SORCS1: variants seen among roughly 807,000 people sequenced by gnomAD.
The protein encoded by SORCS1 is sortilin related VPS10 domain containing receptor 1, also known as VPS10 domain-containing receptor SorCS1.
In SORCS1, 60 loss-of-function variants were observed where a neutral mutation model predicts 146.1. The ratio of observed to expected loss-of-function variants is 0.41; its 90% confidence interval spans 0.33 to 0.51. The LOEUF is 0.51. SORCS1 is among the 20% of genes least tolerant of loss of function. The probability of loss-of-function intolerance (pLI) is 0.21; values close to 1 mark genes in which losing one functional copy is unlikely to be tolerated. For missense variants in SORCS1, 1,352 were observed against 1,487.6 expected, an observed-to-expected ratio of 0.91 and a Z score of 1.50; for synonymous variants, 637 against 584.0, an observed-to-expected ratio of 1.09 and a Z score of -1.31.
intron 2 of SORCS1, among the ~76,000 whole-genome samples, chr10:106,889,888 T>C (rs368550015): frequency 2.8e-5 from 2 of 71,680 alleles, no homozygotes; most frequent in Admixed American, 1.7e-4. Context: ...ACGTCTCAAA[T>C]AAAAAAAAAA....
intron 2 of SORCS1, among the ~76,000 whole-genome samples, chr10:106,931,360 T>G (rs776896730): frequency 1.3e-5 from 2 of 152,064 alleles, no homozygotes; most frequent in Non-Finnish European, 2.9e-5. Context: ...GACAGAAAAG[T>G]GATGAAATAA....
chr10:106,826,124 C>A (rs1948293833), intron 3 of SORCS1, among the ~76,000 whole-genome samples: 1 of 152,222 alleles, frequency 6.6e-6, no homozygotes, highest in Admixed American at 6.5e-5. Context: ...AAAGGCAAGG[C>A]ATGAAGCCTG....
At chr10:107,083,828 T>C (rs977770740) in intron 1 of SORCS1, among the ~76,000 whole-genome samples, 1 of 152,164 alleles carries the variant, frequency 6.6e-6, no homozygotes, top group Admixed American at 6.5e-5. Context: ...TAATCTACTA[T>C]GATTCTGACT....
At chr10:106,672,841 C>T (rs186630690) in intron 15 of SORCS1, 27 bp downstream of exon 15, 30 of 1,590,296 alleles carry the variant, frequency 1.9e-5, no homozygotes, top group Admixed American at 1.0e-4. Context: ...CCTGCCCAGG[C>T]CTTAGTCTCA....
At chr10:106,956,627 C>G (rs765759795) in intron 1 of SORCS1, 47 bp from the exon 2 acceptor site, 2 of 1,543,498 alleles carry the variant, frequency 1.3e-6, no homozygotes, top group Non-Finnish European at 1.8e-6. Flanking sequence ...CAATTACAAT[C>G]TCTTAGAACT....
In SORCS1 at chr10:107,098,538, A is replaced by G. The variant is rs117480562; in HGVS notation, c.558+65431T>C. Among the ~76,000 whole-genome samples, 1,420 of 152,324 alleles carry G rather than the reference A, an allele frequency of 9.3e-3. 10 individuals carry two copies. Among genetic ancestry groups the G allele is most frequent in the Middle Eastern group, 0.061 (18 of 294 alleles). ...AGTGCATATGTATCACGTGTCAGGA[A>G]TGCATATCAAATTGAGAATTTACTG... On this transcript the variant is annotated intron_variant, in intron 1 of 25. Coordinates refer to ENST00000263054, the MANE Select transcript of SORCS1 (RefSeq NM_052918.5).
rs1265663576 is a variant in SORCS1 at position 107,164,553 on chromosome 10, G to C, written c.-27C>G. The C allele has an allele frequency of 2.3e-6, 3 of 1,331,282 alleles. No individual in the cohort carries two copies. The highest frequency in any genetic ancestry group is 2.9e-6 in the Non-Finnish European group (3 of 1,047,310). The allele number at this position is 1,331,282 out of a possible 1,614,324, so 82.5% of individuals were successfully genotyped here. On this transcript the variant is annotated 5_prime_UTR_variant, in exon 1 of 26. Coordinates refer to ENST00000263054, the MANE Select transcript of SORCS1 (RefSeq NM_052918.5). This position sits in a 1 kb window ranked among gnomAD's most constrained non-coding sequence, Gnocchi z 6.8. Reference sequence around the variant, plus strand: ...GCGGGAGCGAAGAGCAGCGGAGAGAGGGGTCCCAGAACGAAGGTGGCGGCA... The same window carrying C: ...GCGGGAGCGAAGAGCAGCGGAGAGACGGGTCCCAGAACGAAGGTGGCGGCA...
intron 2 of SORCS1, among the ~76,000 whole-genome samples, chr10:106,900,152 T>A (rs1306048998): frequency 6.6e-6 from 1 of 152,266 alleles, no homozygotes; most frequent in East Asian, 1.9e-4. Context: ...TGAATTTTCA[T>A]TACATCCTGT....
At chr10:106,722,047 A>G (rs1046603516) in intron 6 of SORCS1, among the ~76,000 whole-genome samples, 2 of 152,016 alleles carry the variant, frequency 1.3e-5, no homozygotes, top group Non-Finnish European at 2.9e-5. Flanking sequence ...GTGTAAGTAT[A>G]CGTGTCTATA....
At chr10:106,987,176 T>C (rs1956519062) in intron 1 of SORCS1, among the ~76,000 whole-genome samples, 1 of 152,220 alleles carries the variant, frequency 6.6e-6, no homozygotes. Context: ...TTTCTTTGGA[T>C]GAGACTCTTT....
chr10:106,736,872 T>C lies in SORCS1; in HGVS notation c.960-6758A>G, dbSNP rs139406121. Among the ~76,000 whole-genome samples the C allele has an allele frequency of 2.0e-5, 3 of 152,256 alleles. No homozygotes were observed. In the East Asian group the frequency reaches 5.8e-4, roughly 29 times the overall value. On this transcript the variant is annotated intron_variant, in intron 5 of 25. Coordinates refer to ENST00000263054, the MANE Select transcript of SORCS1 (RefSeq NM_052918.5). The stretch of plus-strand genomic sequence containing the variant: ...TAAAAATAACAAATAAATAGATCAA[T>C]AGATAAACAGACAGATAAAAACAAT...
chr10:107,036,647 C>G (rs571225933), intron 1 of SORCS1, among the ~76,000 whole-genome samples: 7 of 152,288 alleles, frequency 4.6e-5, no homozygotes, highest in African/African-American at 1.7e-4. Flanking sequence ...CTGTTCTTAA[C>G]AGAGATTTCA....
chr10:107,006,465 A>T (rs1235145343), intron 1 of SORCS1, among the ~76,000 whole-genome samples: 2 of 152,266 alleles, frequency 1.3e-5, no homozygotes, highest in African/African-American at 2.4e-5. Flanking sequence ...GTAGTAAGTC[A>T]GAACTGTTTC....
At chr10:106,906,618 C>G (rs976705224) in intron 2 of SORCS1, among the ~76,000 whole-genome samples, 5 of 152,162 alleles carry the variant, frequency 3.3e-5, no homozygotes, top group African/African-American at 1.2e-4. Context: ...GACTGGCCCC[C>G]ATGATTGAAT....
intron 5 of SORCS1, among the ~76,000 whole-genome samples, chr10:106,751,355 C>G (rs112076714): frequency 4.7e-4 from 71 of 152,140 alleles, no homozygotes; most frequent in African/African-American, 1.7e-3. Flanking sequence ...GAGACTGCCT[C>G]AGAGAATTAG....
At chr10:106,821,871 G>A (rs999512572) in intron 3 of SORCS1, among the ~76,000 whole-genome samples, 1 of 151,554 alleles carries the variant, frequency 6.6e-6, no homozygotes, top group African/African-American at 2.4e-5. Context: ...GCAGTGAGCC[G>A]AGATCGTGCC....
intron 2 of SORCS1, 60 bp downstream of exon 2, chr10:106,956,453 G>A: frequency 1.3e-6 from 2 of 1,492,804 alleles, no homozygotes; most frequent in South Asian, 1.2e-5. Flanking sequence ...GGGTGGGACA[G>A]CAGTAGCAGG....
chr10:106,899,591 CTTTTTTTTTTT>C (rs35476429), intron 2 of SORCS1, among the ~76,000 whole-genome samples: 1 of 97,526 alleles, frequency 1.0e-5, no homozygotes, highest in Non-Finnish European at 2.0e-5. Context: ...GCCACCAGGG[CTTTTTTTTTTT>C]TTTTTTTTTT....
At chr10:107,003,898 G>C (rs555258883) in intron 1 of SORCS1, among the ~76,000 whole-genome samples, 66 of 152,260 alleles carry the variant, frequency 4.3e-4, no homozygotes, top group African/African-American at 1.6e-3. Context: ...GAATACGGCT[G>C]GGTGCGGTGG....
Sources: gnomAD v4.1 joint callset for allele counts (sites outside exome capture counted in the v4.1 genomes callset) on GRCh38, gnomAD v4.1.1 for gene constraint, Gnocchi (gnomAD v3.1) non-coding constraint, MANE v1.5 for transcripts, NCBI Gene and HGNC (gene_info 2026-07-23, HGNC 2026-07-21) for gene names.